Variants in AFG2A observed in about 807,000 individuals in gnomAD.
The protein encoded by AFG2A is AAA ATPase AFG2A, also known as ATPase family gene 2 protein homolog A.
At chr4:122,988,469 G>GTCAA in the AFG2A span, among the ~76,000 whole-genome samples, 1 of 149,844 alleles carries the variant, frequency 6.7e-6, no homozygotes, top group Non-Finnish European at 1.5e-5. Flanking sequence ...TGTGATCTTG[G>GTCAA]CTCACTGCAA....
chr4:123,086,803 T>C, the AFG2A span, among the ~76,000 whole-genome samples: 4 of 152,192 alleles, frequency 2.6e-5, no homozygotes, highest in Non-Finnish European at 5.9e-5. Flanking sequence ...CAGAGATTCT[T>C]TCCTCAGCTG....
the AFG2A span, among the ~76,000 whole-genome samples, chr4:123,227,566 G>T: frequency 6.6e-6 from 1 of 152,170 alleles, no homozygotes; most frequent in East Asian, 1.9e-4. Context: ...TTGCACTGTG[G>T]TCTGAGAGAC....
chr4:123,170,348 A>T, the AFG2A span, among the ~76,000 whole-genome samples: 16 of 152,308 alleles, frequency 1.1e-4, no homozygotes, highest in Non-Finnish European at 1.9e-4. Context: ...AGTAGCACAA[A>T]TAAATTAATC....
chr4:122,930,247 C>T, the AFG2A span, among the ~76,000 whole-genome samples: 7 of 152,232 alleles, frequency 4.6e-5, no homozygotes, highest in African/African-American at 1.7e-4. Context: ...ATCATCCATC[C>T]TCCTGGATAT....
At chr4:123,132,418 A>T in the AFG2A span, among the ~76,000 whole-genome samples, 1 of 151,924 alleles carries the variant, frequency 6.6e-6, no homozygotes, top group South Asian at 2.1e-4. Flanking sequence ...ACTTAGCGTG[A>T]TGTTTTCAGA....
chr4:123,006,947 T>C, the AFG2A span, among the ~76,000 whole-genome samples: 1,803 of 151,734 alleles, frequency 0.012, 37 homozygotes, highest in African/African-American at 0.04. Flanking sequence ...TCTTTTTTTT[T>C]CTTTCTTCTC....
At chr4:122,936,565 C>T in the AFG2A span, among the ~76,000 whole-genome samples, 8 of 152,290 alleles carry the variant, frequency 5.3e-5, no homozygotes, top group African/African-American at 1.9e-4. Context: ...ATGACTCTGG[C>T]TGGGTGTGGT....
At chr4:123,051,545 G>A in the AFG2A span, among the ~76,000 whole-genome samples, 6 of 149,834 alleles carry the variant, frequency 4.0e-5, no homozygotes, top group African/African-American at 9.8e-5. Flanking sequence ...TATCATATTA[G>A]TATAACAATA....
the AFG2A span, among the ~76,000 whole-genome samples, chr4:123,034,916 G>C: frequency 6.6e-6 from 1 of 152,220 alleles, no homozygotes; most frequent in East Asian, 1.9e-4. Flanking sequence ...AGGATGCATG[G>C]AGTAAGGCAA....
At chr4:122,957,423 A>G in the AFG2A span, among the ~76,000 whole-genome samples, 5 of 152,220 alleles carry the variant, frequency 3.3e-5, no homozygotes, top group East Asian at 3.8e-4. Context: ...AGCTGAAACA[A>G]TTGGGAAACT....
the AFG2A span, among the ~76,000 whole-genome samples, chr4:123,042,175 A>G: frequency 2.0e-5 from 3 of 152,242 alleles, no homozygotes; most frequent in East Asian, 5.8e-4. Context: ...CTATAACAAA[A>G]TACCATAGAC....
At chr4:123,056,326 G>T in the AFG2A span, 3 of 1,478,974 alleles carry the variant, frequency 2.0e-6, no homozygotes, top group Non-Finnish European at 2.7e-6. Context: ...CTACTTCATT[G>T]GAAGAAATAT....
At chr4:123,041,372 C>T in the AFG2A span, among the ~76,000 whole-genome samples, 1,805 of 151,252 alleles carry the variant, frequency 0.012, 40 homozygotes, top group African/African-American at 0.041. Flanking sequence ...CCACCCACCT[C>T]GGCCTCCCAA....
At chr4:123,094,415 C>T in the AFG2A span, among the ~76,000 whole-genome samples, 2 of 151,866 alleles carry the variant, frequency 1.3e-5, no homozygotes, top group South Asian at 4.2e-4. Flanking sequence ...GACTTATAGC[C>T]AATTAAACAT....
chr4:123,011,767 A>T, the AFG2A span, among the ~76,000 whole-genome samples: 1 of 152,060 alleles, frequency 6.6e-6, no homozygotes, highest in Non-Finnish European at 1.5e-5. Flanking sequence ...AAGAAGGAGG[A>T]ATGGAGGGTG....
the AFG2A span, among the ~76,000 whole-genome samples, chr4:122,994,971 G>A: frequency 5.3e-5 from 8 of 152,142 alleles, 1 homozygote; most frequent in Middle Eastern, 0.014. Flanking sequence ...CTTTTCAGAT[G>A]AGCCTAGAAC....
chr4:123,143,823 T>A, the AFG2A span, among the ~76,000 whole-genome samples: 1 of 116,784 alleles, frequency 8.6e-6, no homozygotes, highest in Non-Finnish European at 1.9e-5. Context: ...ATGCATAAAC[T>A]TCTCTCTCTT....
At chr4:123,062,202 C>A in the AFG2A span, among the ~76,000 whole-genome samples, 1 of 152,100 alleles carries the variant, frequency 6.6e-6, no homozygotes, top group Non-Finnish European at 1.5e-5. Flanking sequence ...CTCAATGGCT[C>A]GTCATGTGTT....
chr4:123,203,062 T>C, the AFG2A span, among the ~76,000 whole-genome samples: 8 of 151,924 alleles, frequency 5.3e-5, no homozygotes, highest in Non-Finnish European at 1.0e-4. Flanking sequence ...ATAAATACAA[T>C]CATGCAATGA....
Sources: allele counts gnomAD v4.1 joint callset (sites outside exome capture counted in the v4.1 genomes callset), GRCh38; gene constraint gnomAD v4.1.1; transcripts MANE v1.5; gene names NCBI Gene and HGNC (gene_info 2026-07-23, HGNC 2026-07-21).